GABBR2: variants seen among roughly 807,000 people sequenced by gnomAD.
GABBR2 encodes gamma-aminobutyric acid type B receptor subunit 2, also known as G-protein coupled receptor 51.
GABBR2 carries 23 observed loss-of-function variants against 105.6 expected under a neutral mutation model. The ratio of observed to expected loss-of-function variants is 0.22; its 90% confidence interval spans 0.16 to 0.31. The LOEUF is 0.31. Ranked by LOEUF, GABBR2 falls within the 10% of genes least tolerant of loss-of-function variation. GABBR2 has a pLI of 1.00. For missense variants in GABBR2, 734 were observed against 1,245.5 expected (o/e 0.59, Z 6.18); for synonymous variants, 478 against 499.7 (o/e 0.96, Z 0.58).
At chr9:98,690,636 T>C (rs1588284738) in intron 1 of GABBR2, among the ~76,000 whole-genome samples, 3 of 152,108 alleles carry the variant, frequency 2.0e-5, no homozygotes, top group African/African-American at 7.2e-5. Flanking sequence ...AAGACCATGA[T>C]CCTCTCAAGA....
intron 1 of GABBR2, among the ~76,000 whole-genome samples, chr9:98,650,225 T>C (rs1234835062): frequency 6.6e-6 from 1 of 152,168 alleles, no homozygotes; most frequent in Non-Finnish European, 1.5e-5. Context: ...TGAGCAGCAG[T>C]GTGGAATAAT....
At chr9:98,500,636 G>C (rs545984299) in intron 3 of GABBR2, among the ~76,000 whole-genome samples, 1 of 152,372 alleles carries the variant, frequency 6.6e-6, no homozygotes, top group African/African-American at 2.4e-5. Flanking sequence ...CATTCGGCAT[G>C]GAGAGAATGG....
intron 3 of GABBR2, among the ~76,000 whole-genome samples, chr9:98,533,379 G>T (rs1312661286): frequency 6.6e-6 from 1 of 152,120 alleles, no homozygotes; most frequent in Non-Finnish European, 1.5e-5. Flanking sequence ...TCAAGAGAGG[G>T]AATGGACTCT....
chr9:98,600,016 G>A (rs1037563664), intron 1 of GABBR2, among the ~76,000 whole-genome samples: 2 of 152,308 alleles, frequency 1.3e-5, no homozygotes, highest in Non-Finnish European at 1.5e-5. Flanking sequence ...GCACGCGCTG[G>A]CTAATTGCTG....
At chr9:98,639,240 A>G (rs1354213230) in intron 1 of GABBR2, among the ~76,000 whole-genome samples, 1 of 152,078 alleles carries the variant, frequency 6.6e-6, no homozygotes, top group Non-Finnish European at 1.5e-5. Context: ...CTGCACCTAT[A>G]ATGTCTCAAA....
chr9:98,380,480 C>T (rs1300749244), intron 11 of GABBR2, among the ~76,000 whole-genome samples: 2 of 152,242 alleles, frequency 1.3e-5, no homozygotes, highest in Admixed American at 6.5e-5. Context: ...GCTGGGATCC[C>T]AGAGCCGGGT....
intron 8 of GABBR2, among the ~76,000 whole-genome samples, chr9:98,396,851 T>C (rs1832301153): frequency 6.6e-6 from 1 of 152,126 alleles, no homozygotes; most frequent in Non-Finnish European, 1.5e-5. Context: ...CACCGTCCCA[T>C]GGCACTGAAA....
chr9:98,639,379 G>A (rs1182641987), intron 1 of GABBR2, among the ~76,000 whole-genome samples: 1 of 152,104 alleles, frequency 6.6e-6, no homozygotes, highest in Non-Finnish European at 1.5e-5. Flanking sequence ...TGTTTGGGTT[G>A]ACCTGCACCA....
chr9:98,667,539 G>A (rs182946615), intron 1 of GABBR2, among the ~76,000 whole-genome samples: 1 of 152,222 alleles, frequency 6.6e-6, no homozygotes, highest in Admixed American at 6.5e-5. Context: ...ATAGGGGTAG[G>A]AAGACCCAAC....
At chr9:98,447,060 C>CTTTTTTTTTTTTTTTTTTTTTTTTT (rs1564072366) in intron 7 of GABBR2, among the ~76,000 whole-genome samples, 1 of 115,874 alleles carries the variant, frequency 8.6e-6, no homozygotes, top group African/African-American at 3.7e-5. Context: ...CTAAAAAAGA[C>CTTTTTTTTTTTTTTTTTTTTTTTTT]TTCTTTTTTT....
chr9:98,380,439 C>T (rs574846855), intron 11 of GABBR2, among the ~76,000 whole-genome samples: 68 of 152,368 alleles, frequency 4.5e-4, no homozygotes, highest in African/African-American at 1.5e-3. Context: ...CTCATCCCCA[C>T]CTGCTGGACT....
chr9:98,562,124 A>G (rs1424366271), intron 2 of GABBR2, among the ~76,000 whole-genome samples: 1 of 152,184 alleles, frequency 6.6e-6, no homozygotes, highest in Middle Eastern at 3.2e-3. Flanking sequence ...TATCATCAAT[A>G]ATAGTTCAAA....
intron 4 of GABBR2, among the ~76,000 whole-genome samples, chr9:98,495,200 G>T (rs1215067640): frequency 1.3e-5 from 2 of 152,246 alleles, no homozygotes; most frequent in Non-Finnish European, 2.9e-5. Context: ...CTCTGTATCT[G>T]CTCTGGAGGA....
chr9:98,399,465 C>T lies in GABBR2; in HGVS notation c.1298-5210G>A, dbSNP rs368396741. 1.2e-4 allele frequency among the ~76,000 whole-genome samples: 18 copies of T among 152,228 alleles called. No individual in the cohort carries two copies. In the East Asian group the frequency reaches 3.1e-3, roughly 26 times the overall value. ...TCTGAATGCCCACAGCTGCCTGTGC[C>T]ATCACTTATCACGCATCACACTTTG... On this transcript the variant is annotated intron_variant, in intron 8 of 18. Transcript: ENST00000259455.
At chr9:98,510,975 C>T (rs1159115310) in intron 3 of GABBR2, among the ~76,000 whole-genome samples, 3 of 152,024 alleles carry the variant, frequency 2.0e-5, no homozygotes, top group East Asian at 1.9e-4. Flanking sequence ...CCACACCACA[C>T]CTATTCCAAA....
intron 13 of GABBR2, among the ~76,000 whole-genome samples, chr9:98,326,308 T>C (rs1830923429): frequency 6.6e-6 from 1 of 152,226 alleles, no homozygotes; most frequent in Admixed American, 6.5e-5. Context: ...TATAATCTCA[T>C]GTGCTCCTGT....
chr9:98,471,525 A>G (rs1404670651), intron 6 of GABBR2, among the ~76,000 whole-genome samples: 1 of 152,248 alleles, frequency 6.6e-6, no homozygotes, highest in Admixed American at 6.5e-5. Flanking sequence ...TACTGCTCAC[A>G]GCCCTGCACA....
intron 1 of GABBR2, among the ~76,000 whole-genome samples, chr9:98,632,106 C>T (rs1040773424): frequency 1.3e-5 from 2 of 152,144 alleles, no homozygotes; most frequent in African/African-American, 4.8e-5. Context: ...TGCCAGGTAG[C>T]GTTTGTTCTG....
At chr9:98,384,492 A>C (rs1473019532) in intron 11 of GABBR2, among the ~76,000 whole-genome samples, 1 of 152,138 alleles carries the variant, frequency 6.6e-6, no homozygotes, top group African/African-American at 2.4e-5. Flanking sequence ...CAGGAGGCTG[A>C]GGCAGGAGAA....
Sources: gnomAD v4.1 joint callset for allele counts (sites outside exome capture counted in the v4.1 genomes callset) on GRCh38, gnomAD v4.1.1 for gene constraint, MANE v1.5 for transcripts, NCBI Gene and HGNC (gene_info 2026-07-23, HGNC 2026-07-21) for gene names.